The following ADAMTS19 variants were observed in gnomAD, a reference collection of about 807,000 sequenced individuals.
ADAMTS19 encodes ADAM metallopeptidase with thrombospondin type 1 motif 19, also known as A disintegrin and metalloproteinase with thrombospondin motifs 19.
ADAMTS19 carries 93 observed loss-of-function variants against 153.3 expected under a neutral mutation model. That is an observed-to-expected ratio of 0.61 (90% CI 0.51 to 0.72). The LOEUF (loss-of-function observed/expected upper bound fraction) is 0.72, where lower values mean the gene tolerates loss of function less well. Among genes scored for constraint, ADAMTS19 ranks in the 30% least tolerant of loss-of-function variants. The pLI is 0.00. For missense variants in ADAMTS19, 1,482 were observed against 1,552.1 expected (o/e 0.95, Z 0.76); for synonymous variants, 600 against 556.6 (o/e 1.08, Z -1.10).
At chr5:129,574,576 A>C (rs1754034381) in intron 7 of ADAMTS19, among the ~76,000 whole-genome samples, 1 of 152,052 alleles carries the variant, frequency 6.6e-6, no homozygotes, top group Admixed American at 6.6e-5. Flanking sequence ...TTTAAAACTG[A>C]GGCTGGGATT....
intron 2 of ADAMTS19, among the ~76,000 whole-genome samples, chr5:129,492,559 GTGTA>G (rs938120973): frequency 1.6e-4 from 24 of 151,266 alleles, no homozygotes; most frequent in African/African-American, 5.1e-4. Context: ...GTATGTGTGC[GTGTA>G]TGTGTGTATG....
intron 7 of ADAMTS19, among the ~76,000 whole-genome samples, chr5:129,589,310 T>C (rs950857278): frequency 1.3e-5 from 2 of 151,842 alleles, no homozygotes; most frequent in African/African-American, 4.8e-5. Context: ...TTTGTAGCAC[T>C]TTTTTTACTA....
intron 7 of ADAMTS19, among the ~76,000 whole-genome samples, chr5:129,593,501 A>T (rs1305614364): frequency 6.6e-6 from 1 of 151,868 alleles, no homozygotes; most frequent in Non-Finnish European, 1.5e-5. Flanking sequence ...TTTTTTTGTA[A>T]AATGTCTGCT....
chr5:129,577,900 T>A (rs1749230395), intron 7 of ADAMTS19, among the ~76,000 whole-genome samples: 1 of 151,998 alleles, frequency 6.6e-6, no homozygotes, highest in South Asian at 2.1e-4. Context: ...GAATTGTTCA[T>A]GTTTTTGCCA....
At position 129,704,340 on chromosome 5, in the gene ADAMTS19, CTG is replaced by C; in HGVS notation, c.3264_3265del (p.Cys1088Ter). 1 of 1,614,128 alleles carries C rather than the reference CTG, an allele frequency of 6.2e-7. No homozygotes were observed. The highest frequency in any genetic ancestry group is 8.5e-7 in the Non-Finnish European group (1 of 1,180,000). On this transcript the variant is annotated frameshift_variant, in exon 21 of 23. Coordinates refer to ENST00000274487, the MANE Select transcript of ADAMTS19 (RefSeq NM_133638.6). LOFTEE classifies it high-confidence loss of function. ...CTACCAGACCCAGGGAGGCTGAAGA[CTG>C]TGAGGATTATTCAAAATGCTATGTG... Reference protein sequence around the residue: ...LSTRPREAEDCEDYSKCYVWR... With the variant: ...LSTRPREAEDXEDYSKCYVWR...
rs114325671 is a variant in ADAMTS19 at position 129,699,016 on chromosome 5, G to A, written c.2955-2372G>A. On this transcript the variant is annotated intron_variant, in intron 19 of 22. Transcript: ENST00000274487. ...ACAGATGAGATTTACTAGGCTGTAA[G>A]AGGATGTGACTCCTCAAAATGTGGA... 6.0e-3 allele frequency among the ~76,000 whole-genome samples: 912 copies of A among 152,328 alleles called. 3 individuals carry two copies. The highest frequency in any genetic ancestry group is 9.1e-3 in the Non-Finnish European group (622 of 68,034).
At position 129,665,530 on chromosome 5, in the gene ADAMTS19, A is replaced by G; in HGVS notation, c.2457A>G (p.Gly819=). 1 of 1,610,952 alleles carries G rather than the reference A, an allele frequency of 6.2e-7. No homozygotes were observed. ...TAGAAGTGCTGGTGATACCTGCTGGAGCAAGAAGAATCAAAGTTGTGGAGG... is the reference window on the plus strand; with the variant it reads ...TAGAAGTGCTGGTGATACCTGCTGGGGCAAGAAGAATCAAAGTTGTGGAGG... ...GYVEVLVIPA[G]ARRIKVVEEK... The change falls in exon 16 of 23, where the codon GGA becomes GGG. Residue 819 remains glycine, a synonymous_variant. Coordinates refer to ENST00000274487, the MANE Select transcript of ADAMTS19 (RefSeq NM_133638.6).
At chr5:129,690,106 T>A (rs897098032) in intron 18 of ADAMTS19, among the ~76,000 whole-genome samples, 2 of 151,220 alleles carry the variant, frequency 1.3e-5, no homozygotes, top group Non-Finnish European at 3.0e-5. Context: ...CCTTTACCAG[T>A]ATTGACCATG....
intron 7 of ADAMTS19, among the ~76,000 whole-genome samples, chr5:129,559,072 G>A (rs1212211757): frequency 1.3e-5 from 2 of 151,916 alleles, no homozygotes; most frequent in African/African-American, 4.8e-5. Context: ...ATATTTCATG[G>A]ATTTTAAAGT....
intron 8 of ADAMTS19, among the ~76,000 whole-genome samples, chr5:129,609,272 C>A (rs1751081162): frequency 1.3e-5 from 2 of 152,230 alleles, no homozygotes; most frequent in Non-Finnish European, 2.9e-5. Context: ...TTGGATAAAT[C>A]AATCTGTCTG....
intron 10 of ADAMTS19, among the ~76,000 whole-genome samples, chr5:129,635,657 A>G (rs550127164): frequency 6.6e-6 from 1 of 152,188 alleles, no homozygotes; most frequent in South Asian, 2.1e-4. Context: ...AGGAACAGAA[A>G]ACCGAATACC....
intron 13 of ADAMTS19, 114 bp from the exon 14 acceptor site, chr5:129,654,192 A>T: frequency 1.0e-6 from 1 of 983,428 alleles, no homozygotes; most frequent in Non-Finnish European, 1.4e-6. Context: ...TACATTACTT[A>T]ATTAGCATTG....
intron 7 of ADAMTS19, among the ~76,000 whole-genome samples, chr5:129,566,010 T>C (rs1326637827): frequency 6.6e-6 from 1 of 152,188 alleles, no homozygotes. Flanking sequence ...AGCAGATGTC[T>C]AGTAGGTTAG....
intron 16 of ADAMTS19, among the ~76,000 whole-genome samples, chr5:129,666,361 AAC>A (rs1486308983): frequency 4.6e-5 from 7 of 152,136 alleles, no homozygotes; most frequent in African/African-American, 1.7e-4. Context: ...CCAGAATTGT[AAC>A]ACTGTGTTTG....
At chr5:129,467,429 T>C (rs1749902319) in intron 2 of ADAMTS19, among the ~76,000 whole-genome samples, 1 of 152,044 alleles carries the variant, frequency 6.6e-6, no homozygotes, top group Non-Finnish European at 1.5e-5. Flanking sequence ...TTATCAGAAA[T>C]AAGACACAAA....
chr5:129,687,596 T>C (rs1755150885), intron 18 of ADAMTS19, among the ~76,000 whole-genome samples: 1 of 152,210 alleles, frequency 6.6e-6, no homozygotes, highest in Non-Finnish European at 1.5e-5. Context: ...ATATTATCTA[T>C]TCTTAAACAT....
At chr5:129,662,964 T>A (rs778573667) in intron 15 of ADAMTS19, among the ~76,000 whole-genome samples, 2 of 145,422 alleles carry the variant, frequency 1.4e-5, no homozygotes, top group African/African-American at 5.2e-5. Flanking sequence ...GCACAATCTC[T>A]GCTCACTGCA....
chr5:129,668,008 A>G (rs1422499269), intron 16 of ADAMTS19, among the ~76,000 whole-genome samples: 1 of 152,192 alleles, frequency 6.6e-6, no homozygotes, highest in African/African-American at 2.4e-5. Flanking sequence ...TCTGTAGGCC[A>G]GAAGTCCAAA....
At chr5:129,714,389 G>T (rs930884253) in intron 21 of ADAMTS19, among the ~76,000 whole-genome samples, 1 of 136,928 alleles carries the variant, frequency 7.3e-6, no homozygotes, top group African/African-American at 2.8e-5. Context: ...ACTGCAGTCC[G>T]CAGTCCGGCC....
Sources: gnomAD v4.1 joint callset for allele counts (sites outside exome capture counted in the v4.1 genomes callset) on GRCh38, gnomAD v4.1.1 for gene constraint, MANE v1.5 for transcripts, NCBI Gene and HGNC (gene_info 2026-07-23, HGNC 2026-07-21) for gene names.